FLRT2: variants seen among roughly 807,000 people sequenced by gnomAD.
FLRT2 encodes the protein fibronectin leucine rich transmembrane protein 2, also known as leucine-rich repeat transmembrane protein FLRT2.
A neutral mutation model predicts 40.0 loss-of-function variants in FLRT2; 15 were observed. The ratio of observed to expected loss-of-function variants is 0.38; its 90% confidence interval spans 0.25 to 0.58. The LOEUF (loss-of-function observed/expected upper bound fraction) is 0.58, where lower values mean the gene tolerates loss of function less well. Ranked by LOEUF, FLRT2 falls within the 20% of genes least tolerant of loss-of-function variation. The pLI is 0.71. For missense variants in FLRT2, 726 were observed against 840.0 expected (o/e 0.86, Z 1.68); for synonymous variants, 380 against 336.8 (o/e 1.13, Z -1.41).
Position 85,622,506 on chromosome 14 carries a change from C to A in FLRT2, c.992C>A (p.Ser331Tyr). 1 of 1,614,124 alleles carries A rather than the reference C, an allele frequency of 6.2e-7. No homozygotes were observed. Among genetic ancestry groups the A allele is most frequent in the Non-Finnish European group, 8.5e-7 (1 of 1,180,030 alleles). ...VTEWLKYIPS[S>Y]LNVRGFMCQG... ...GAATGGCTCAAATATATCCCTTCATCTCTCAACGTGCGGGGTTTCATGTGC... is the reference window on the plus strand; with the variant it reads ...GAATGGCTCAAATATATCCCTTCATATCTCAACGTGCGGGGTTTCATGTGC... Residue 331 changes from serine to tyrosine, a missense_variant, in exon 2 of 2, where the codon TCT (serine) becomes TAT (tyrosine). Coordinates refer to ENST00000330753, the MANE Select transcript of FLRT2 (RefSeq NM_013231.6).
chr14:85,562,351 G>A (rs927987872), intron 1 of FLRT2, among the ~76,000 whole-genome samples: 3 of 152,152 alleles, frequency 2.0e-5, no homozygotes, highest in Admixed American at 6.5e-5. Flanking sequence ...ATTGTTTTGT[G>A]TGTTTCTTGG....
intron 1 of FLRT2, among the ~76,000 whole-genome samples, chr14:85,581,131 A>G (rs1430051691): frequency 6.6e-6 from 1 of 152,216 alleles, no homozygotes; most frequent in African/African-American, 2.4e-5. Flanking sequence ...TTGACCACAG[A>G]TACCCTTGAA....
rs1283913219 is a variant in FLRT2, at chr14:85,627,424, AAG to A, written c.*3930_*3931del. 2.4e-5 allele frequency: 4 copies of A among 167,114 alleles called. No individual in the cohort carries two copies. Among genetic ancestry groups the A allele is most frequent in the African/African-American group, 9.7e-5 (4 of 41,444 alleles). 10.4% of individuals were successfully genotyped at this position (167,114 alleles called of 1,614,324 possible). On this transcript the variant is annotated 3_prime_UTR_variant, in exon 2 of 2. Coordinates refer to ENST00000330753, the MANE Select transcript of FLRT2 (RefSeq NM_013231.6). ...TGGGGAATGCTTGTCACTGTGGAGAAAGAGTTTTGTATATGTCTGATACCGTT... is the reference window on the plus strand; with the variant it reads ...TGGGGAATGCTTGTCACTGTGGAGAAAGTTTTGTATATGTCTGATACCGTT...
In FLRT2 at chr14:85,548,900, C is replaced by T. The variant is rs1045260538; in HGVS notation, c.-377+18366C>T. ...TCCTGTGCCCATAAAAACCACAGGC[C>T]CCACCAGCAGAGCAGCAGAGCAGCT... On this transcript the variant is annotated intron_variant, in intron 1 of 1. Transcript: ENST00000330753. 2.0e-5 allele frequency among the ~76,000 whole-genome samples: 3 copies of T among 152,122 alleles called. No individual in the cohort carries two copies. In the East Asian group the frequency reaches 5.8e-4, roughly 29 times the overall value.
intron 1 of FLRT2, among the ~76,000 whole-genome samples, chr14:85,614,374 TTA>T (rs1176865524): frequency 2.0e-4 from 1 of 4,950 alleles, no homozygotes; most frequent in Non-Finnish European, 4.8e-4. Context: ...CCCTTTGAAA[TTA>T]AAAAAAAAAG....
At position 85,540,310 on chromosome 14, in the gene FLRT2, T is replaced by C. The variant is rs184466628; in HGVS notation, c.-377+9776T>C. On this transcript the variant is annotated intron_variant, in intron 1 of 1. Coordinates refer to ENST00000330753, the MANE Select transcript of FLRT2 (RefSeq NM_013231.6). ...GACAATTTATTATGAAGCCAACGTG[T>C]ATTCCAAAGCTTGGCTTTATTTTGA... Among the ~76,000 whole-genome samples, 17 of 152,324 alleles carry C rather than the reference T, an allele frequency of 1.1e-4. 1 individual carries two copies. The South Asian group carries it at 2.3e-3, about 20-fold the overall frequency.
intron 1 of FLRT2, among the ~76,000 whole-genome samples, chr14:85,606,744 C>A (rs2139343461): frequency 6.6e-6 from 1 of 150,800 alleles, no homozygotes; most frequent in East Asian, 2.0e-4. Context: ...AGGATGGTCT[C>A]CATCTCCTGA....
Position 85,645,150 on chromosome 14 carries a change from A to G in FLRT2, c.*21653A>G, listed in dbSNP as rs1236024713. 7.7e-6 allele frequency: 1 copy of G among 130,452 alleles called. No homozygotes were observed. Among genetic ancestry groups the G allele is most frequent in the East Asian group, 2.0e-4 (1 of 4,956 alleles). The allele number at this position is 130,452 out of a possible 1,614,324, so 8.1% of individuals were successfully genotyped here. A position where few individuals can be genotyped will look rare whatever the true frequency, so the allele number is the denominator to read the frequency against. On this transcript the variant is annotated 3_prime_UTR_variant, in exon 2 of 2. Transcript: ENST00000330753. ...CTCCTACATCAAGTAAAAAGTATAT[A>G]TATACACACATATGTGTGTATGTAT...
chr14:85,533,740 G>T (rs756231550), intron 1 of FLRT2, among the ~76,000 whole-genome samples: 1 of 151,916 alleles, frequency 6.6e-6, no homozygotes, highest in Non-Finnish European at 1.5e-5. Flanking sequence ...CGTAGGGGAC[G>T]TAGGCGAGAG....
chr14:85,532,632 G>C lies in FLRT2; in HGVS notation c.-377+2098G>C, dbSNP rs1033407902. Among the ~76,000 whole-genome samples the C allele has an allele frequency of 1.3e-5, 2 of 152,268 alleles. 1 individual carries two copies. Among genetic ancestry groups the C allele is most frequent in the Middle Eastern group, 6.8e-3 (2 of 294 alleles). On this transcript the variant is annotated intron_variant, in intron 1 of 1. Coordinates refer to ENST00000330753, the MANE Select transcript of FLRT2 (RefSeq NM_013231.6). ...CGCTCTTGCCAGAAGCAGCCAGGTT[G>C]AAGGAAGAAAGTGGGGGTGTTTAAA...
chr14:85,652,148 G>A lies in FLRT2; in HGVS notation c.*28651G>A, dbSNP rs1894447473. On this transcript the variant is annotated 3_prime_UTR_variant, in exon 2 of 2. Transcript: ENST00000330753. The stretch of plus-strand genomic sequence containing the variant: ...AAGTATTATTAAAAGTATGTTTGAT[G>A]TTGCTGAAGATTCTTTCATAAACAT... The A allele has an allele frequency of 6.6e-6, 1 of 152,042 alleles. No individual in the cohort carries two copies. The highest frequency in any genetic ancestry group is 1.5e-5 in the Non-Finnish European group (1 of 67,952). The allele number at this position is 152,042 out of a possible 1,614,324, so 9.4% of individuals were successfully genotyped here.
At chr14:85,547,426 C>T (rs915454570) in intron 1 of FLRT2, among the ~76,000 whole-genome samples, 6 of 151,272 alleles carry the variant, frequency 4.0e-5, no homozygotes, top group East Asian at 2.0e-4. Flanking sequence ...CAGTTTCAAG[C>T]GATTCCCCTG....
chr14:85,592,939 G>T (rs530040961), intron 1 of FLRT2, among the ~76,000 whole-genome samples: 43 of 152,126 alleles, frequency 2.8e-4, no homozygotes, highest in African/African-American at 9.4e-4. Flanking sequence ...GGCTTTCTTT[G>T]TAGTCATTCT....
rs372066536 is a variant in FLRT2, at chr14:85,645,155, C to T, written c.*21658C>T. The stretch of plus-strand genomic sequence containing the variant: ...ACATCAAGTAAAAAGTATATATATA[C>T]ACACATATGTGTGTATGTATATGTA... On this transcript the variant is annotated 3_prime_UTR_variant, in exon 2 of 2. Transcript: ENST00000330753. 1.5e-5 allele frequency: 2 copies of T among 129,376 alleles called. No homozygotes were observed. The highest frequency in any genetic ancestry group is 3.5e-5 in the Non-Finnish European group (2 of 56,540). 8.0% of individuals were successfully genotyped at this position (129,376 alleles called of 1,614,324 possible).
chr14:85,643,322 T>C lies in FLRT2; in HGVS notation c.*19825T>C, dbSNP rs1894202482. 1 of 111,064 alleles carries C rather than the reference T, an allele frequency of 9.0e-6. No homozygotes were observed. Among genetic ancestry groups the C allele is most frequent in the South Asian group, 3.7e-4 (1 of 2,718 alleles). 6.9% of individuals were successfully genotyped at this position (111,064 alleles called of 1,614,324 possible). A position where few individuals can be genotyped will look rare whatever the true frequency, so the allele number is the denominator to read the frequency against. ...TTCTTTCTTTCTTTCTTTCTTTCTT[T>C]CTTTCTTTCTTTCTTTCTTTCTTTC... On this transcript the variant is annotated 3_prime_UTR_variant, in exon 2 of 2. Transcript: ENST00000330753.
In FLRT2 at chr14:85,621,237, T is replaced by C. The variant is rs568948236; in HGVS notation, c.-278T>C. 4.3e-6 allele frequency: 2 copies of C among 466,402 alleles called. No homozygotes were observed. The highest frequency in any genetic ancestry group is 7.5e-6 in the Non-Finnish European group (2 of 265,838). The allele number at this position is 466,402 out of a possible 1,614,324, so 28.9% of individuals were successfully genotyped here. Reference sequence around the variant, plus strand: ...TTCTGCCTGCCCACTTGGGCTTGTGTTGACACGGCTGATAACTTGCCATCA... The same window carrying C: ...TTCTGCCTGCCCACTTGGGCTTGTGCTGACACGGCTGATAACTTGCCATCA... On this transcript the variant is annotated 5_prime_UTR_variant, in exon 2 of 2. Coordinates refer to ENST00000330753, the MANE Select transcript of FLRT2 (RefSeq NM_013231.6).
At position 85,645,687 on chromosome 14, in the gene FLRT2, T is replaced by C. The variant is rs2139404714; in HGVS notation, c.*22190T>C. Reference sequence around the variant, plus strand: ...AAGATCTTCCTAGTTGAGGAATCTTTCAGAGATTCAGTAGATAAGGTGATC... The same window carrying C: ...AAGATCTTCCTAGTTGAGGAATCTTCCAGAGATTCAGTAGATAAGGTGATC... On this transcript the variant is annotated 3_prime_UTR_variant, in exon 2 of 2. Transcript: ENST00000330753. The C allele has an allele frequency of 6.6e-6, 1 of 152,324 alleles. No homozygotes were observed. The highest frequency in any genetic ancestry group is 1.9e-4 in the East Asian group (1 of 5,180). The allele number at this position is 152,324 out of a possible 1,614,324, so 9.4% of individuals were successfully genotyped here. A position where few individuals can be genotyped will look rare whatever the true frequency, so the allele number is the denominator to read the frequency against.
chr14:85,611,396 G>A (rs1340541563), intron 1 of FLRT2, among the ~76,000 whole-genome samples: 1 of 152,200 alleles, frequency 6.6e-6, no homozygotes, highest in Non-Finnish European at 1.5e-5. Flanking sequence ...AGAGAGGGTT[G>A]CGGGCTAATC....
intron 1 of FLRT2, among the ~76,000 whole-genome samples, chr14:85,567,765 C>T (rs897027646): frequency 1.8e-4 from 27 of 151,296 alleles, no homozygotes; most frequent in African/African-American, 5.3e-4. Context: ...CTCAGCCCTC[C>T]GAGTAGCTGG....
Sources: gnomAD v4.1 joint callset for allele counts (sites outside exome capture counted in the v4.1 genomes callset) on GRCh38, gnomAD v4.1.1 for gene constraint, MANE v1.5 for transcripts, NCBI Gene and HGNC (gene_info 2026-07-23, HGNC 2026-07-21) for gene names.